CDC42EP3: variants seen among roughly 807,000 people sequenced by gnomAD.
The protein encoded by CDC42EP3 is CDC42 effector protein (Rho GTPase binding) 3.
Under a neutral mutation model 15.5 loss-of-function variants are expected in CDC42EP3, and 4 were observed. The ratio of observed to expected loss-of-function variants is 0.26; its 90% confidence interval spans 0.13 to 0.59. The LOEUF is 0.59. CDC42EP3 is among the 20% of genes least tolerant of loss of function. The pLI is 0.89. For missense variants in CDC42EP3, 309 were observed against 311.2 expected (o/e 0.99, Z 0.05); for synonymous variants, 145 against 130.3 (o/e 1.11, Z -0.77).
At chr2:37,664,577 G>C (rs1028162458) in intron 1 of CDC42EP3, among the ~76,000 whole-genome samples, 17 of 152,150 alleles carry the variant, frequency 1.1e-4, no homozygotes, top group African/African-American at 3.6e-4. Context: ...AAGCGACAAA[G>C]ATTTCTGACC....
rs2124609076 is a variant in CDC42EP3 at position 37,646,500 on chromosome 2, T to C, written c.88A>G (p.Met30Val). 1 of 1,606,060 alleles carries C rather than the reference T, an allele frequency of 6.2e-7. No individual in the cohort carries two copies. Among genetic ancestry groups the C allele is most frequent in the Non-Finnish European group, 8.5e-7 (1 of 1,177,834 alleles). Residue 30 changes from methionine (M) to valine (V), a missense_variant, in exon 2 of 2, where the codon ATG (methionine) becomes GTG (valine). Physicochemically the swap from Met to Val is conservative, Grantham distance 21 (BLOSUM62 1). Transcript: ENST00000295324. ...FKLRDILSPD[M>V]ISPPLGDFRH... is the part of the protein sequence containing the mutation. Reference sequence around the variant, plus strand: ...AAGTCTCCAAGCGGGGGACTGATCATATCAGGAGACAGAATGTCCCTCAGT... The same window carrying C: ...AAGTCTCCAAGCGGGGGACTGATCACATCAGGAGACAGAATGTCCCTCAGT...
At chr2:37,647,620 T>C (rs920168976) in intron 1 of CDC42EP3, 15 of 152,404 alleles carry the variant, frequency 9.8e-5, no homozygotes, top group Admixed American at 7.8e-4. Context: ...ATATCCTCCA[T>C]GCAGTAGGCA....
At chr2:37,649,796 T>A (rs192468844) in intron 1 of CDC42EP3, among the ~76,000 whole-genome samples, 3 of 152,062 alleles carry the variant, frequency 2.0e-5, no homozygotes, top group Admixed American at 1.3e-4. Context: ...GTCGGTGGCA[T>A]GGAGGCAAAG....
At chr2:37,662,631 G>T (rs1201761802) in intron 1 of CDC42EP3, among the ~76,000 whole-genome samples, 2 of 152,126 alleles carry the variant, frequency 1.3e-5, no homozygotes, top group Non-Finnish European at 2.9e-5. Flanking sequence ...CACTCCCCCA[G>T]GCTGGCAAGT....
intron 1 of CDC42EP3, among the ~76,000 whole-genome samples, chr2:37,661,942 T>C (rs1278847416): frequency 6.6e-6 from 1 of 152,188 alleles, no homozygotes; most frequent in Non-Finnish European, 1.5e-5. Flanking sequence ...TCATGCTCTG[T>C]GTCACTTAAA....
At chr2:37,648,067 C>T (rs1317575445) in intron 1 of CDC42EP3, among the ~76,000 whole-genome samples, 1 of 152,238 alleles carries the variant, frequency 6.6e-6, no homozygotes, top group Non-Finnish European at 1.5e-5. Flanking sequence ...GAAAGCAACA[C>T]ATCCTCCCTG....
At chr2:37,661,017 T>A (rs1666039519) in intron 1 of CDC42EP3, among the ~76,000 whole-genome samples, 1 of 152,132 alleles carries the variant, frequency 6.6e-6, no homozygotes, top group African/African-American at 2.4e-5. Flanking sequence ...TTCCTTTTGA[T>A]CATGAAACCA....
At chr2:37,656,998 C>CCCA (rs1665881678) in intron 1 of CDC42EP3, among the ~76,000 whole-genome samples, 1 of 75,006 alleles carries the variant, frequency 1.3e-5, no homozygotes, top group African/African-American at 6.3e-5. Flanking sequence ...CCACCCCCCG[C>CCCA]CCCCCGCCAT....
upstream of CDC42EP3, chr2:37,671,850 G>A (rs1666441802): frequency 6.6e-6 from 1 of 151,918 alleles, no homozygotes; most frequent in African/African-American, 2.4e-5. Context: ...ACCCTCGGAG[G>A]ACAATGGGCG....
In CDC42EP3 at chr2:37,646,498, C is replaced by T. The variant is rs1370942333; in HGVS notation, c.90G>A (p.Met30Ile). The stretch of plus-strand genomic sequence containing the variant: ...GAAAGTCTCCAAGCGGGGGACTGAT[C>T]ATATCAGGAGACAGAATGTCCCTCA... ...FKLRDILSPD[M>I]ISPPLGDFRH... Residue 30 changes from methionine to isoleucine, a missense_variant, in exon 2 of 2, where the codon ATG becomes ATA. Coordinates refer to ENST00000295324, the MANE Select transcript of CDC42EP3 (RefSeq NM_006449.5). 2 of 1,611,744 alleles carry T rather than the reference C, an allele frequency of 1.2e-6. No individual in the cohort carries two copies. The highest frequency in any genetic ancestry group is 3.4e-5 in the Admixed American group (2 of 59,310).
rs539002201 is a variant in CDC42EP3, at chr2:37,646,666, T to C, written c.-79A>G. 3.4e-5 allele frequency: 45 copies of C among 1,318,968 alleles called. 2 individuals are homozygous for C. The South Asian group carries it at 5.8e-4, about 17-fold the overall frequency. 81.7% of individuals were successfully genotyped at this position (1,318,968 alleles called of 1,614,324 possible). ...ACAGATGGTATATGTTTCTGAATCC[T>C]TTTTGATAGGAACTGTCACATCATT... On this transcript the variant is annotated 5_prime_UTR_variant, in exon 2 of 2. Coordinates refer to ENST00000295324, the MANE Select transcript of CDC42EP3 (RefSeq NM_006449.5).
intron 1 of CDC42EP3, among the ~76,000 whole-genome samples, chr2:37,653,557 G>A (rs1665754580): frequency 6.6e-6 from 1 of 152,148 alleles, no homozygotes; most frequent in African/African-American, 2.4e-5. Context: ...GCAGCAGCCA[G>A]GAGGAAGGGA....
chr2:37,649,445 CAAAAAAAAAAAAAAAAAAAAAAAAA>C (rs57232687), intron 1 of CDC42EP3, among the ~76,000 whole-genome samples: 1 of 48,154 alleles, frequency 2.1e-5, no homozygotes, highest in African/African-American at 7.4e-5. Context: ...GGCCTTGTCT[CAAAAAAAAAAAAAAAAAAAAAAAAA>C]AAAAAAAAAA....
Position 37,646,697 on chromosome 2 carries a change from CAAGTGGCTTCAG to C in CDC42EP3, c.-122_-111del, listed in dbSNP as rs1030825980. On this transcript the variant is annotated 5_prime_UTR_variant, in exon 2 of 2. Transcript: ENST00000295324. ...ATAGGAACTGTCACATCATTTTTCT[CAAGTGGCTTCAG>C]AAGTGGCTTCGAAATGAGATGGGGT... is the stretch of plus-strand genomic sequence containing the variant. The C allele has an allele frequency of 9.0e-6, 10 of 1,111,532 alleles. No homozygotes were observed. The African/African-American group carries it at 1.1e-4, about 12-fold the overall frequency. 68.9% of individuals were successfully genotyped at this position (1,111,532 alleles called of 1,614,324 possible).
upstream of CDC42EP3, chr2:37,672,559 C>T (rs574931301): frequency 1.2e-4 from 18 of 152,348 alleles, no homozygotes; most frequent in African/African-American, 4.3e-4. Flanking sequence ...CGCCCCTCCC[C>T]TCCGCCGGGG....
rs920788942 is a variant in CDC42EP3, at chr2:37,642,670, A to G, written c.*3153T>C. ...AGGAGGATTAGAACTACATCACTCAATATTTTCTTTTGTCTGTTCTAAAAT... is the reference window on the plus strand; with the variant it reads ...AGGAGGATTAGAACTACATCACTCAGTATTTTCTTTTGTCTGTTCTAAAAT... On this transcript the variant is annotated 3_prime_UTR_variant, in exon 2 of 2. Transcript: ENST00000295324. 1.3e-5 allele frequency: 2 copies of G among 152,214 alleles called. No homozygotes were observed. The highest frequency in any genetic ancestry group is 6.5e-5 in the Admixed American group (1 of 15,272). The allele number at this position is 152,214 out of a possible 1,614,324, so 9.4% of individuals were successfully genotyped here. A position where few individuals can be genotyped will look rare whatever the true frequency, so the allele number is the denominator to read the frequency against.
At position 37,651,384 on chromosome 2, in the gene CDC42EP3, T is replaced by C. The variant is rs755794626; in HGVS notation, c.-235-4562A>G. Among the ~76,000 whole-genome samples the C allele has an allele frequency of 1.4e-4, 22 of 152,356 alleles. No homozygotes were observed. In the South Asian group the frequency reaches 2.7e-3, roughly 19 times the overall value. On this transcript the variant is annotated intron_variant, in intron 1 of 1. Transcript: ENST00000295324. Reference sequence around the variant, plus strand: ...ATGCAGGGCTCAGATTAGGCTTTCCTGGAGAGCCAATTTTATACATGGCTG... The same window carrying C: ...ATGCAGGGCTCAGATTAGGCTTTCCCGGAGAGCCAATTTTATACATGGCTG...
intron 1 of CDC42EP3, among the ~76,000 whole-genome samples, chr2:37,664,037 T>C (rs192146488): frequency 2.8e-4 from 42 of 151,982 alleles, no homozygotes; most frequent in Non-Finnish European, 1.0e-4. Context: ...AGCCGGTCGT[T>C]GTGGAGGGTG....
intron 1 of CDC42EP3, among the ~76,000 whole-genome samples, chr2:37,658,740 A>C (rs1209964259): frequency 6.6e-6 from 1 of 151,966 alleles, no homozygotes. Flanking sequence ...GTCTGTCTGG[A>C]CTGTCTCTCC....
Sources: gnomAD v4.1 joint callset for allele counts (sites outside exome capture counted in the v4.1 genomes callset) on GRCh38, gnomAD v4.1.1 for gene constraint, MANE v1.5 for transcripts, NCBI Gene and HGNC (gene_info 2026-07-23, HGNC 2026-07-21) for gene names.